The following CELF2 variants were observed in gnomAD, a reference collection of about 807,000 sequenced individuals.
The protein encoded by CELF2 is CUG triplet repeat RNA-binding protein 2.
A neutral mutation model predicts 62.6 loss-of-function variants in CELF2; 8 were observed. The ratio of observed to expected loss-of-function variants is 0.13; its 90% confidence interval spans 0.07 to 0.23. The LOEUF (loss-of-function observed/expected upper bound fraction) is 0.23, where lower values mean the gene tolerates loss of function less well. Among genes scored for constraint, CELF2 ranks in the 10% least tolerant of loss-of-function variants. The pLI is 1.00. For missense variants in CELF2, 333 were observed against 671.0 expected (o/e 0.50, Z 5.56); for synonymous variants, 258 against 250.0 (o/e 1.03, Z -0.30).
intron 1 of CELF2, among the ~76,000 whole-genome samples, chr10:11,066,911 C>A (rs1360466754): frequency 1.3e-5 from 2 of 152,080 alleles, no homozygotes; most frequent in Non-Finnish European, 2.9e-5. Context: ...GGTGTAGGTG[C>A]TGTCGGTTGT....
chr10:11,283,675 G>A (rs2089829645), intron 8 of CELF2, among the ~76,000 whole-genome samples: 1 of 151,960 alleles, frequency 6.6e-6, no homozygotes, highest in African/African-American at 2.4e-5. Context: ...ATGGGTGGGT[G>A]GATGATGGAT....
At chr10:10,481,914 T>C in the CELF2 span, among the ~76,000 whole-genome samples, 1 of 152,218 alleles carries the variant, frequency 6.6e-6, no homozygotes, top group Non-Finnish European at 1.5e-5. Context: ...ATTGCATATG[T>C]AGAAGGTCCA....
In CELF2 at chr10:11,214,117, T is replaced by C. The variant is rs900038841; in HGVS notation, c.272-3308T>C. On this transcript the variant is annotated intron_variant, in intron 2 of 12. Coordinates refer to ENST00000633077, the MANE Select transcript of CELF2 (RefSeq NM_001326342.2). This position sits in a 1 kb window ranked among gnomAD's most constrained non-coding sequence, Gnocchi z 4.2. ...TGGGCAACATAGTGGGACCCCTATC[T>C]CTACAAAAATGTAAAAAGTAGTCAG... Among the ~76,000 whole-genome samples, 7 of 152,014 alleles carry C rather than the reference T, an allele frequency of 4.6e-5. No homozygotes were observed. Among genetic ancestry groups the C allele is most frequent in the African/African-American group, 4.8e-5 (2 of 41,384 alleles).
intron 2 of CELF2, among the ~76,000 whole-genome samples, chr10:10,974,606 T>A (rs1225105256): frequency 4.6e-5 from 7 of 152,242 alleles, no homozygotes; most frequent in Non-Finnish European, 8.8e-5. Flanking sequence ...CAGCCTAGGC[T>A]AGCAAACCTG....
chr10:10,887,273 T>C (rs2061817248), intron 1 of CELF2, among the ~76,000 whole-genome samples: 1 of 152,272 alleles, frequency 6.6e-6, no homozygotes, highest in East Asian at 1.9e-4. Context: ...TCACCTTCCT[T>C]TTTACAAGGT....
chr10:10,487,754 T>C, the CELF2 span, among the ~76,000 whole-genome samples: 1 of 152,178 alleles, frequency 6.6e-6, no homozygotes, highest in East Asian at 1.9e-4. Flanking sequence ...AATTAATGCA[T>C]CACGATTAAA....
intron 2 of CELF2, among the ~76,000 whole-genome samples, chr10:11,209,234 T>A (rs561292575): frequency 2.6e-5 from 4 of 152,262 alleles, no homozygotes; most frequent in African/African-American, 7.2e-5. Flanking sequence ...GGACTGGGCT[T>A]TAGACGGAGC....
intron 1 of CELF2, among the ~76,000 whole-genome samples, chr10:11,009,801 A>G (rs925871221): frequency 2.0e-5 from 3 of 152,194 alleles, no homozygotes; most frequent in Non-Finnish European, 4.4e-5. Context: ...TTAGTTCCAC[A>G]AACTTTGTTG....
chr10:11,051,006 C>G (rs949376383), intron 1 of CELF2, among the ~76,000 whole-genome samples: 1 of 152,168 alleles, frequency 6.6e-6, no homozygotes. Context: ...GAAAACCTCG[C>G]CTATTTTCCA....
intron 1 of CELF2, among the ~76,000 whole-genome samples, chr10:10,828,479 G>A (rs1273975986): frequency 6.6e-6 from 1 of 152,158 alleles, no homozygotes; most frequent in East Asian, 1.9e-4. Context: ...CATAAAGACA[G>A]AAAGTCGAGT....
the CELF2 span, among the ~76,000 whole-genome samples, chr10:10,734,744 A>T: frequency 2.6e-5 from 4 of 152,134 alleles, no homozygotes; most frequent in Non-Finnish European, 5.9e-5. Context: ...TTCACTTTAA[A>T]TTTTTTTGTA....
intron 1 of CELF2, among the ~76,000 whole-genome samples, chr10:10,855,277 C>T (rs1197918712): frequency 6.6e-6 from 1 of 152,200 alleles, no homozygotes; most frequent in African/African-American, 2.4e-5. Context: ...GTGCTTCTGG[C>T]ATTCCCCTCT....
At chr10:10,806,398 C>T (rs547516601) in intron 1 of CELF2, among the ~76,000 whole-genome samples, 35 of 152,080 alleles carry the variant, frequency 2.3e-4, no homozygotes, top group African/African-American at 7.0e-4. Flanking sequence ...AGAGACAGGG[C>T]TTCACCACGT....
At chr10:10,883,622 G>T (rs969792139) in intron 1 of CELF2, among the ~76,000 whole-genome samples, 1 of 152,104 alleles carries the variant, frequency 6.6e-6, no homozygotes, top group African/African-American at 2.4e-5. Flanking sequence ...TTTGTGAAGG[G>T]GACAGGATCC....
chr10:10,716,932 C>T, the CELF2 span, among the ~76,000 whole-genome samples: 1 of 152,064 alleles, frequency 6.6e-6, no homozygotes, highest in African/African-American at 2.4e-5. Flanking sequence ...GTGAAATGCT[C>T]GTGTAATTTA....
upstream of CELF2, among the ~76,000 whole-genome samples, chr10:11,014,013 T>C (rs982122538): frequency 3.9e-5 from 6 of 152,264 alleles, no homozygotes; most frequent in Admixed American, 1.3e-4. Flanking sequence ...GGATTTCAAA[T>C]GTATTGCCTG....
At chr10:10,991,215 G>C (rs1405668110) in intron 2 of CELF2, among the ~76,000 whole-genome samples, 1 of 152,088 alleles carries the variant, frequency 6.6e-6, no homozygotes, top group Non-Finnish European at 1.5e-5. Context: ...TGTGGTGTTG[G>C]GTGTGCATGT....
intron 1 of CELF2, among the ~76,000 whole-genome samples, chr10:11,158,177 T>C (rs1051350883): frequency 6.6e-6 from 1 of 152,192 alleles, no homozygotes; most frequent in Non-Finnish European, 1.5e-5. Flanking sequence ...TAGTTGCCCA[T>C]AGCCAACAGG....
chr10:11,232,684 C>CA (rs1486282626), intron 3 of CELF2, among the ~76,000 whole-genome samples: 1 of 152,192 alleles, frequency 6.6e-6, no homozygotes, highest in South Asian at 2.1e-4. Context: ...TTCAAGGACA[C>CA]ACCACGCTAT....
Sources: gnomAD v4.1 joint callset for allele counts (sites outside exome capture counted in the v4.1 genomes callset) on GRCh38, gnomAD v4.1.1 for gene constraint, Gnocchi (gnomAD v3.1) non-coding constraint, MANE v1.5 for transcripts, NCBI Gene and HGNC (gene_info 2026-07-23, HGNC 2026-07-21) for gene names.